The following PLXDC1 variants were observed in gnomAD, a reference collection of about 807,000 sequenced individuals.
PLXDC1 encodes the protein plexin domain-containing protein 1.
A neutral mutation model predicts 61.3 loss-of-function variants in PLXDC1; 39 were observed. The ratio of observed to expected loss-of-function variants is 0.64; its 90% CI spans 0.49 to 0.83. The LOEUF is 0.83. Among genes scored for constraint, PLXDC1 ranks in the 40% least tolerant of loss-of-function variants. PLXDC1 has a pLI of 0.00. For missense variants in PLXDC1, 596 were observed against 666.5 expected, an observed-to-expected ratio of 0.89 and a Z score of 1.17; for synonymous variants, 212 against 254.5, an observed-to-expected ratio of 0.83 and a Z score of 1.59.
chr17:39,076,196 C>A (rs943272306), intron 11 of PLXDC1, among the ~76,000 whole-genome samples: 5 of 151,928 alleles, frequency 3.3e-5, no homozygotes, highest in African/African-American at 1.2e-4. Context: ...CCTTTACGAG[C>A]CTCTTTCCTT....
chr17:39,069,563 T>G (rs1010825000), intron 13 of PLXDC1, among the ~76,000 whole-genome samples: 60 of 152,196 alleles, frequency 3.9e-4, no homozygotes, highest in African/African-American at 1.4e-3. Context: ...TATGTGGCAC[T>G]GTGGCCTTCT....
chr17:39,072,287 A>C, intron 12 of PLXDC1, 163 bp downstream of exon 12: 1 of 649,444 alleles, frequency 1.5e-6, no homozygotes, highest in South Asian at 1.7e-5. Flanking sequence ...TGTGCCCAGA[A>C]GCCCCCCTGC....
intron 7 of PLXDC1, among the ~76,000 whole-genome samples, chr17:39,091,978 A>T (rs1480334854): frequency 7.1e-6 from 1 of 140,846 alleles, no homozygotes; most frequent in Non-Finnish European, 1.5e-5. Context: ...AAAAAAAAAA[A>T]AAAATCAAGT....
chr17:39,089,638 A>T (rs952037738), intron 7 of PLXDC1, among the ~76,000 whole-genome samples: 7 of 152,130 alleles, frequency 4.6e-5, no homozygotes. Flanking sequence ...CGCTCGGCTG[A>T]AGGTGGTTTG....
intron 4 of PLXDC1, among the ~76,000 whole-genome samples, chr17:39,108,545 T>C (rs997246173): frequency 6.6e-6 from 1 of 152,060 alleles, no homozygotes; most frequent in African/African-American, 2.4e-5. Context: ...GGAACTGAAG[T>C]GCAGGGATTA....
chr17:39,135,003 T>C (rs1911697611), intron 2 of PLXDC1, among the ~76,000 whole-genome samples: 1 of 152,208 alleles, frequency 6.6e-6, no homozygotes, highest in Non-Finnish European at 1.5e-5. Flanking sequence ...CCAAATCTTT[T>C]CCTCGTGAGC....
chr17:39,118,075 T>G (rs1253500896), intron 2 of PLXDC1, among the ~76,000 whole-genome samples: 1 of 61,780 alleles, frequency 1.6e-5, no homozygotes, highest in African/African-American at 6.5e-5. Context: ...CCTCCCTCCC[T>G]CCCTCCCTCC....
chr17:39,077,793 G>A, intron 11 of PLXDC1, 120 bp downstream of exon 11: 7 of 894,316 alleles, frequency 7.8e-6, no homozygotes, highest in Non-Finnish European at 1.2e-5. Context: ...GCTATAAAAG[G>A]ATGGGGCAGT....
intron 2 of PLXDC1, among the ~76,000 whole-genome samples, chr17:39,132,975 CTG>C (rs1911614716): frequency 1.3e-5 from 2 of 152,246 alleles, no homozygotes; most frequent in African/African-American, 4.8e-5. Flanking sequence ...CAAGAAAACT[CTG>C]TGAGACAGAC....
chr17:39,122,547 G>C (rs1284998876), intron 2 of PLXDC1, among the ~76,000 whole-genome samples: 1 of 152,132 alleles, frequency 6.6e-6, no homozygotes, highest in Non-Finnish European at 1.5e-5. Context: ...CCCAACACCA[G>C]GCCAGTCTAT....
At chr17:39,079,314 C>T in intron 9 of PLXDC1, 150 bp from the exon 10 acceptor site, 2 of 677,470 alleles carry the variant, frequency 3.0e-6, no homozygotes, top group South Asian at 1.5e-5. Flanking sequence ...CCCTCTACTT[C>T]CCCGGAAGAT....
chr17:39,132,226 G>A (rs1911587652), intron 2 of PLXDC1, among the ~76,000 whole-genome samples: 1 of 152,134 alleles, frequency 6.6e-6, no homozygotes, highest in Non-Finnish European at 1.5e-5. Context: ...CTCAAAGGAA[G>A]AGAACCTTTG....
At chr17:39,142,358 T>C (rs1911961894) in intron 1 of PLXDC1, among the ~76,000 whole-genome samples, 1 of 152,232 alleles carries the variant, frequency 6.6e-6, no homozygotes. Flanking sequence ...CTCTTGTATT[T>C]AGCAGGAAGG....
chr17:39,067,358 AG>A lies in PLXDC1; in HGVS notation c.*481del, dbSNP rs1459458289. 3 of 154,874 alleles carry A rather than the reference AG, an allele frequency of 1.9e-5. No individual in the cohort carries two copies. Among genetic ancestry groups the A allele is most frequent in the Non-Finnish European group, 4.3e-5 (3 of 69,538 alleles). 9.6% of individuals were successfully genotyped at this position (154,874 alleles called of 1,614,324 possible). ...GGCTAACAGTCTGTCATGTGACAATAGCCAAACCTCCTCATTCCTATAAATC... is the reference window on the plus strand; with the variant it reads ...GGCTAACAGTCTGTCATGTGACAATACCAAACCTCCTCATTCCTATAAATC... On this transcript the variant is annotated 3_prime_UTR_variant, in exon 14 of 14. Coordinates refer to ENST00000315392, the MANE Select transcript of PLXDC1 (RefSeq NM_020405.5).
chr17:39,109,038 T>A, intron 3 of PLXDC1, 65 bp from the exon 4 acceptor site: 2 of 1,360,044 alleles, frequency 1.5e-6, no homozygotes, highest in South Asian at 2.4e-5. Flanking sequence ...GCACCCACAC[T>A]GCCTCATGCT....
intron 1 of PLXDC1, among the ~76,000 whole-genome samples, chr17:39,149,112 G>T (rs1784759559): frequency 6.6e-6 from 1 of 152,194 alleles, no homozygotes; most frequent in Middle Eastern, 3.4e-3. Flanking sequence ...CCTGCTGTCT[G>T]ACTCTGTCTT....
intron 2 of PLXDC1, among the ~76,000 whole-genome samples, chr17:39,122,055 C>A (rs1475488232): frequency 6.9e-6 from 1 of 145,018 alleles, no homozygotes; most frequent in African/African-American, 2.6e-5. Flanking sequence ...TGAGATCACG[C>A]CACTGCATTC....
chr17:39,117,378 T>C (rs1045988628), intron 2 of PLXDC1, among the ~76,000 whole-genome samples: 1 of 152,182 alleles, frequency 6.6e-6, no homozygotes, highest in Admixed American at 6.5e-5. Context: ...ATCCCATTCC[T>C]ATTGTACAAG....
At chr17:39,109,211 A>C (rs769564916) in intron 3 of PLXDC1, 37 bp downstream of exon 3, 1 of 1,586,608 alleles carries the variant, frequency 6.3e-7, no homozygotes. Flanking sequence ...CCGGCCTCCC[A>C]GCACAGGGAA....
Sources: allele counts gnomAD v4.1 joint callset (sites outside exome capture counted in the v4.1 genomes callset), GRCh38; gene constraint gnomAD v4.1.1; transcripts MANE v1.5; gene names NCBI Gene and HGNC (gene_info 2026-07-23, HGNC 2026-07-21).